The following PDE7B variants were observed in gnomAD, a reference collection of about 807,000 sequenced individuals.
The protein encoded by PDE7B is phosphodiesterase 7B.
In PDE7B, 29 loss-of-function variants were observed where a neutral mutation model predicts 56.2. The ratio of observed to expected loss-of-function variants is 0.52; its 90% CI spans 0.38 to 0.70. PDE7B has a LOEUF of 0.70. Ranked by LOEUF, PDE7B falls within the 30% of genes least tolerant of loss-of-function variation. The pLI, the probability that PDE7B is intolerant of heterozygous loss-of-function variation, is 0.00. For missense variants in PDE7B, 490 were observed against 565.0 expected (o/e 0.87, Z 1.35); for synonymous variants, 197 against 196.9 (o/e 1.00, Z 0.00).
chr6:135,882,323 A>G (rs2128188911), intron 1 of PDE7B, among the ~76,000 whole-genome samples: 1 of 152,292 alleles, frequency 6.6e-6, no homozygotes, highest in Non-Finnish European at 1.5e-5. Context: ...TATGAACCTC[A>G]TGTAAAAAAA....
chr6:136,114,330 G>A (rs1777798008), intron 3 of PDE7B, among the ~76,000 whole-genome samples: 1 of 152,102 alleles, frequency 6.6e-6, no homozygotes, highest in Admixed American at 6.5e-5. Flanking sequence ...GTGACCCAGA[G>A]ACTCAAATAT....
chr6:135,871,197 T>A (rs1051572746), intron 1 of PDE7B, among the ~76,000 whole-genome samples: 8 of 152,244 alleles, frequency 5.3e-5, no homozygotes, highest in African/African-American at 1.7e-4. Flanking sequence ...ATCAATTGTT[T>A]TAAATTGTGT....
chr6:135,972,902 A>G (rs950040289), intron 2 of PDE7B, among the ~76,000 whole-genome samples: 3 of 152,174 alleles, frequency 2.0e-5, no homozygotes, highest in Admixed American at 1.3e-4. Flanking sequence ...CACCCCCACA[A>G]TGTTTGGGGG....
intron 1 of PDE7B, among the ~76,000 whole-genome samples, chr6:135,919,848 T>C (rs914832181): frequency 6.6e-6 from 1 of 152,220 alleles, no homozygotes; most frequent in African/African-American, 2.4e-5. Flanking sequence ...CCCCTCACAT[T>C]GTAAGCACTG....
chr6:135,977,874 A>G (rs558689311), intron 2 of PDE7B, among the ~76,000 whole-genome samples: 1 of 152,228 alleles, frequency 6.6e-6, no homozygotes, highest in Non-Finnish European at 1.5e-5. Flanking sequence ...CAAAACCGCA[A>G]TTACTTTTGC....
At chr6:136,041,717 C>G (rs1444247461) in intron 2 of PDE7B, among the ~76,000 whole-genome samples, 1 of 152,262 alleles carries the variant, frequency 6.6e-6, no homozygotes, top group East Asian at 1.9e-4. Flanking sequence ...GTTCTTTGAA[C>G]TGTACCCAAT....
At chr6:135,896,314 G>A (rs562143192) in intron 1 of PDE7B, among the ~76,000 whole-genome samples, 2 of 152,172 alleles carry the variant, frequency 1.3e-5, no homozygotes, top group African/African-American at 4.8e-5. Flanking sequence ...TGAGGACTGG[G>A]TCTCTGCCAG....
intron 1 of PDE7B, among the ~76,000 whole-genome samples, chr6:135,857,132 T>G (rs1442530832): frequency 6.6e-6 from 1 of 150,596 alleles, no homozygotes; most frequent in Non-Finnish European, 1.5e-5. Flanking sequence ...TTGAATCTGT[T>G]AAGGAAAGAA....
intron 3 of PDE7B, among the ~76,000 whole-genome samples, chr6:136,122,553 G>A (rs1192118669): frequency 1.3e-5 from 2 of 152,072 alleles, no homozygotes; most frequent in African/African-American, 4.8e-5. Flanking sequence ...ACTCATCTCA[G>A]TATTCAATTA....
At chr6:135,866,087 T>TC (rs1775255676) in intron 1 of PDE7B, among the ~76,000 whole-genome samples, 1 of 152,164 alleles carries the variant, frequency 6.6e-6, no homozygotes, top group Non-Finnish European at 1.5e-5. Flanking sequence ...ATCATTAACT[T>TC]TAAAAAACAA....
At chr6:136,115,373 G>A (rs370999356) in intron 3 of PDE7B, among the ~76,000 whole-genome samples, 5 of 152,096 alleles carry the variant, frequency 3.3e-5, no homozygotes, top group Non-Finnish European at 5.9e-5. Flanking sequence ...AGGGCTGTAT[G>A]CTAAGGTCAA....
rs1446338103 is a variant in PDE7B at position 135,983,196 on chromosome 6, T to C, written c.82+35672T>C. On this transcript the variant is annotated intron_variant, in intron 2 of 12. Coordinates refer to ENST00000308191, the MANE Select transcript of PDE7B (RefSeq NM_018945.4). ...CACACAGTGCTACCCAATTGTGCTT[T>C]GGGGTCTGGAGAAACCGTGGATACT... 2.6e-5 allele frequency among the ~76,000 whole-genome samples: 4 copies of C among 152,310 alleles called. No homozygotes were observed. In the East Asian group the frequency reaches 7.7e-4, roughly 29 times the overall value.
chr6:136,125,274 A>G (rs1194388437), intron 3 of PDE7B, among the ~76,000 whole-genome samples: 3 of 152,146 alleles, frequency 2.0e-5, no homozygotes, highest in African/African-American at 7.2e-5. Flanking sequence ...AATTTTATAT[A>G]AGTTATATGT....
chr6:136,027,549 T>C (rs1776174025), intron 2 of PDE7B, among the ~76,000 whole-genome samples: 1 of 152,188 alleles, frequency 6.6e-6, no homozygotes. Context: ...GAAGTAAAAA[T>C]TTCTAAGACA....
At chr6:136,110,900 G>A in intron 3 of PDE7B, 2 of 152,226 alleles carry the variant, frequency 1.3e-5, no homozygotes, top group African/African-American at 4.8e-5. Context: ...AGATCCTCCA[G>A]GACTTCTGAG....
chr6:135,985,923 G>T (rs892681430), intron 2 of PDE7B, among the ~76,000 whole-genome samples: 2 of 152,140 alleles, frequency 1.3e-5, no homozygotes, highest in African/African-American at 4.8e-5. Context: ...TTGTGAGGCT[G>T]GTTGCTCAGG....
At chr6:136,112,279 T>C (rs766363369) in intron 3 of PDE7B, among the ~76,000 whole-genome samples, 1 of 152,212 alleles carries the variant, frequency 6.6e-6, no homozygotes, top group African/African-American at 2.4e-5. Context: ...GGCGTTAAAA[T>C]GGATAACTAG....
chr6:135,925,370 T>C (rs1424382543), intron 1 of PDE7B, among the ~76,000 whole-genome samples: 1 of 152,176 alleles, frequency 6.6e-6, no homozygotes, highest in Non-Finnish European at 1.5e-5. Context: ...CTCAGCTAGA[T>C]AGTCACTTTA....
intron 1 of PDE7B, among the ~76,000 whole-genome samples, chr6:135,897,825 A>G (rs1195189617): frequency 6.6e-6 from 1 of 152,132 alleles, no homozygotes; most frequent in Non-Finnish European, 1.5e-5. Flanking sequence ...CATTCCTCTC[A>G]TGGGGATCTA....
Sources: gnomAD v4.1 joint callset for allele counts (sites outside exome capture counted in the v4.1 genomes callset) on GRCh38, gnomAD v4.1.1 for gene constraint, MANE v1.5 for transcripts, NCBI Gene and HGNC (gene_info 2026-07-23, HGNC 2026-07-21) for gene names.